CYFIP2: variants seen among roughly 807,000 people sequenced by gnomAD.
CYFIP2 encodes cytoplasmic FMR1 interacting protein 2, also known as cytoplasmic FMR1-interacting protein 2.
In CYFIP2, 29 loss-of-function variants were observed where a neutral mutation model predicts 158.7. The observed-to-expected ratio is 0.18, with a 90% CI of 0.14 to 0.25. The LOEUF is 0.25. Ranked by LOEUF, CYFIP2 falls within the 10% of genes least tolerant of loss-of-function variation. CYFIP2 has a pLI of 1.00. For missense variants in CYFIP2, 852 were observed against 1,639.5 expected (o/e 0.52, Z 8.29); for synonymous variants, 585 against 617.6 (o/e 0.95, Z 0.78).
intron 13 of CYFIP2, among the ~76,000 whole-genome samples, chr5:157,317,016 G>A (rs1448836253): frequency 6.6e-6 from 1 of 152,092 alleles, no homozygotes. Flanking sequence ...TCATCCTCAA[G>A]CCTATTTAAA....
intron 26 of CYFIP2, among the ~76,000 whole-genome samples, chr5:157,378,055 C>CTT (rs1042892981): frequency 7.2e-5 from 11 of 152,164 alleles, no homozygotes; most frequent in South Asian, 6.2e-4. Context: ...GAAGGTAAAA[C>CTT]TTAAATGGGG....
At chr5:157,349,767 C>T (rs564636603) in intron 23 of CYFIP2, among the ~76,000 whole-genome samples, 2 of 152,328 alleles carry the variant, frequency 1.3e-5, no homozygotes, top group Admixed American at 1.3e-4. Flanking sequence ...ACCACATCCA[C>T]GCCAACATCT....
At chr5:157,382,564 C>T in intron 26 of CYFIP2, 26 bp from the exon 27 acceptor site, 1 of 1,612,776 alleles carries the variant, frequency 6.2e-7, no homozygotes, top group Non-Finnish European at 8.5e-7. Flanking sequence ...AAATTGTTTT[C>T]TCTTTCTTTA....
intron 23 of CYFIP2, among the ~76,000 whole-genome samples, chr5:157,357,446 G>A (rs1763487426): frequency 6.6e-6 from 1 of 152,172 alleles, no homozygotes; most frequent in African/African-American, 2.4e-5. Context: ...GAGAATTTCA[G>A]TGAATGGAAT....
chr5:157,366,320 A>G (rs1764368831), intron 26 of CYFIP2, among the ~76,000 whole-genome samples: 1 of 152,208 alleles, frequency 6.6e-6, no homozygotes, highest in Non-Finnish European at 1.5e-5. Context: ...CTATGGATAC[A>G]TGTATTGCAG....
At chr5:157,381,283 A>C (rs1315364743) in intron 26 of CYFIP2, among the ~76,000 whole-genome samples, 1 of 152,014 alleles carries the variant, frequency 6.6e-6, no homozygotes, top group Non-Finnish European at 1.5e-5. Context: ...TACTTTGTAC[A>C]TATGTATCAC....
Position 157,361,507 on chromosome 5 carries a change from T to C in CYFIP2, c.2948T>C (p.Ile983Thr). 1 of 1,614,074 alleles carries C rather than the reference T, an allele frequency of 6.2e-7. No homozygotes were observed. Among genetic ancestry groups the C allele is most frequent in the Non-Finnish European group, 8.5e-7 (1 of 1,180,006 alleles). The change falls in exon 26 of 31, where the codon ATT (isoleucine) becomes ACT (threonine). Residue 983 changes from isoleucine (I) to threonine (T), a missense_variant. Transcript: ENST00000620254. The surrounding 1 kb of genome is among the most constrained non-coding windows in gnomAD (Gnocchi z 4.4). ...EFFHHQLKDIIEYAELKTDVF... is the reference protein window; with the variant it reads ...EFFHHQLKDITEYAELKTDVF... ...TTCCACCACCAGCTGAAGGACATCATTGAGTACGCAGAGCTCAAAACAGAC... is the reference window on the plus strand; with the variant it reads ...TTCCACCACCAGCTGAAGGACATCACTGAGTACGCAGAGCTCAAAACAGAC...
intron 5 of CYFIP2, among the ~76,000 whole-genome samples, chr5:157,299,795 A>G (rs1170817709): frequency 2.0e-5 from 3 of 152,134 alleles, no homozygotes; most frequent in Admixed American, 1.3e-4. Flanking sequence ...TCAGCTACCC[A>G]GGAGGCTTAG....
intron 1 of CYFIP2, among the ~76,000 whole-genome samples, chr5:157,271,923 G>A (rs1156922635): frequency 6.6e-6 from 1 of 152,190 alleles, no homozygotes; most frequent in Non-Finnish European, 1.5e-5. Context: ...TACGCGTCAT[G>A]TTGGTGTTCC....
chr5:157,279,055 T>C (rs896952504), intron 1 of CYFIP2, among the ~76,000 whole-genome samples: 2 of 152,244 alleles, frequency 1.3e-5, no homozygotes, highest in African/African-American at 2.4e-5. Flanking sequence ...AGGAGGTGCT[T>C]CAATTCATAA....
intron 23 of CYFIP2, among the ~76,000 whole-genome samples, chr5:157,353,967 T>A (rs1763245242): frequency 6.6e-6 from 1 of 152,184 alleles, no homozygotes. Context: ...AACGGATAGA[T>A]GAAAAGTCTG....
intron 26 of CYFIP2, chr5:157,364,201 T>TGGGGGGGGGGGGGG (rs1330747273): frequency 1.3e-4 from 2 of 15,102 alleles, no homozygotes; most frequent in African/African-American, 3.0e-4. Context: ...TGGGGCGGGG[T>TGGGGGGGGGGGGGG]GGCGGGGGGG....
rs960388349 is a variant in CYFIP2 at position 157,320,932 on chromosome 5, C to T, written c.1671+130C>T. 4.3e-6 allele frequency: 5 copies of T among 1,155,586 alleles called. No homozygotes were observed. In the African/African-American group the frequency reaches 8.0e-5, roughly 18 times the overall value. 71.6% of individuals were successfully genotyped at this position (1,155,586 alleles called of 1,614,324 possible). Reference sequence around the variant, plus strand: ...CAGGAGGGGCAGGGTTGAGTGGCTGCTCCGGTCTTATTCTGCCATCTTGTT... The same window carrying T: ...CAGGAGGGGCAGGGTTGAGTGGCTGTTCCGGTCTTATTCTGCCATCTTGTT... On this transcript the variant is annotated intron_variant, in intron 15 of 30. Coordinates refer to ENST00000620254, the MANE Select transcript of CYFIP2 (RefSeq NM_001037333.3).
At chr5:157,390,194 G>A (rs144588038) in intron 29 of CYFIP2, among the ~76,000 whole-genome samples, 2,978 of 152,122 alleles carry the variant, frequency 0.02, 93 homozygotes, top group Admixed American at 0.084. Context: ...CCTTTGACCT[G>A]CACGGAGTAA....
Position 157,389,674 on chromosome 5 carries a change from G to A in CYFIP2, c.3446+247G>A, listed in dbSNP as rs1767072272. 1.7e-5 allele frequency: 7 copies of A among 422,240 alleles called. No homozygotes were observed. The South Asian group carries it at 2.8e-4, about 17-fold the overall frequency. The allele number at this position is 422,240 out of a possible 1,614,324, so 26.2% of individuals were successfully genotyped here. On this transcript the variant is annotated intron_variant, in intron 29 of 30. Coordinates refer to ENST00000620254, the MANE Select transcript of CYFIP2 (RefSeq NM_001037333.3). ...CTACTGGAAAATGAGGAGCCTTTAG[G>A]AGTCCTTAGAGCAGACAGCAGAGCT...
At chr5:157,385,719 A>G (rs948121732) in intron 28 of CYFIP2, among the ~76,000 whole-genome samples, 1 of 152,172 alleles carries the variant, frequency 6.6e-6, no homozygotes, top group African/African-American at 2.4e-5. Context: ...CTTTCTTGTT[A>G]TCACGAGCAA....
intron 7 of CYFIP2, 125 bp from the exon 8 acceptor site, chr5:157,304,113 C>T (rs1479071363): frequency 7.9e-7 from 1 of 1,270,530 alleles, no homozygotes; most frequent in Non-Finnish European, 1.1e-6. Context: ...GCCTCGCCTC[C>T]CTGGAGCTGT....
At chr5:157,283,901 G>A (rs1757178643) in intron 1 of CYFIP2, among the ~76,000 whole-genome samples, 1 of 152,076 alleles carries the variant, frequency 6.6e-6, no homozygotes, top group Non-Finnish European at 1.5e-5. Flanking sequence ...AACAAGCAAA[G>A]CAAACTCACT....
chr5:157,280,336 A>G (rs1368656037), intron 1 of CYFIP2, among the ~76,000 whole-genome samples: 19 of 149,606 alleles, frequency 1.3e-4, no homozygotes. Context: ...AGCTGGGATT[A>G]CAGGCACCCA....
Sources: allele counts gnomAD v4.1 joint callset (sites outside exome capture counted in the v4.1 genomes callset), GRCh38; gene constraint gnomAD v4.1.1; non-coding constraint Gnocchi (gnomAD v3.1); transcripts MANE v1.5; gene names NCBI Gene and HGNC (gene_info 2026-07-23, HGNC 2026-07-21).